The following ADCY8 variants were observed in gnomAD, a reference collection of about 807,000 sequenced individuals.
ADCY8 encodes adenylate cyclase 8.
A neutral mutation model predicts 119.7 loss-of-function variants in ADCY8; 51 were observed. That is an observed-to-expected ratio of 0.43 (90% confidence interval 0.34 to 0.54). The LOEUF is 0.54. Among genes scored for constraint, ADCY8 ranks in the 20% least tolerant of loss-of-function variants. The probability of loss-of-function intolerance (pLI) is 0.03; values close to 1 mark genes in which losing one functional copy is unlikely to be tolerated. For missense variants in ADCY8, 1,383 were observed against 1,598.8 expected (o/e 0.87, Z 2.30); for synonymous variants, 665 against 651.0 (o/e 1.02, Z -0.33).
chr8:130,826,706 C>T (rs1247218912), intron 12 of ADCY8, among the ~76,000 whole-genome samples: 1 of 144,828 alleles, frequency 6.9e-6, no homozygotes, highest in African/African-American at 2.5e-5. Context: ...CCTACACATG[C>T]TGTTAGCCTC....
intron 12 of ADCY8, among the ~76,000 whole-genome samples, chr8:130,826,493 A>C (rs960559944): frequency 6.6e-6 from 1 of 152,104 alleles, no homozygotes; most frequent in African/African-American, 2.4e-5. Flanking sequence ...ATTCCCTCCA[A>C]ATGCTTTTAG....
At chr8:130,992,874 T>C (rs919646996) in intron 1 of ADCY8, among the ~76,000 whole-genome samples, 1 of 152,186 alleles carries the variant, frequency 6.6e-6, no homozygotes, top group Non-Finnish European at 1.5e-5. Context: ...TTATAAATTT[T>C]ATAAAGATAC....
At chr8:130,840,198 G>A (rs185790330) in intron 11 of ADCY8, among the ~76,000 whole-genome samples, 3 of 138,686 alleles carry the variant, frequency 2.2e-5, no homozygotes. Flanking sequence ...GGTGATTCAG[G>A]AAGGATGTTT....
chr8:131,036,725 A>G (rs1487251927), intron 1 of ADCY8, among the ~76,000 whole-genome samples: 1 of 152,202 alleles, frequency 6.6e-6, no homozygotes, highest in Non-Finnish European at 1.5e-5. Context: ...TCTTATAAAG[A>G]CTTGGGAAAA....
At chr8:130,856,246 A>G (rs1817728370) in intron 9 of ADCY8, among the ~76,000 whole-genome samples, 1 of 151,872 alleles carries the variant, frequency 6.6e-6, no homozygotes, top group African/African-American at 2.4e-5. Context: ...TCATCACCCC[A>G]TATGATAGCT....
chr8:130,783,314 G>A (rs1358248071), intron 17 of ADCY8, among the ~76,000 whole-genome samples: 2 of 152,150 alleles, frequency 1.3e-5, no homozygotes, highest in Non-Finnish European at 2.9e-5. Context: ...GACCTTGAGA[G>A]CAATACATTG....
intron 14 of ADCY8, among the ~76,000 whole-genome samples, chr8:130,812,272 T>G (rs1400872763): frequency 6.8e-6 from 1 of 146,512 alleles, no homozygotes; most frequent in African/African-American, 2.6e-5. Context: ...CCCATGGAGC[T>G]TGACCATTAG....
At chr8:130,803,063 C>T (rs1482219693) in intron 14 of ADCY8, among the ~76,000 whole-genome samples, 1 of 152,226 alleles carries the variant, frequency 6.6e-6, no homozygotes, top group African/African-American at 2.4e-5. Flanking sequence ...ACTGGGACCA[C>T]CGCTGAGTAA....
chr8:130,915,262 G>GT (rs1278029831), intron 5 of ADCY8, among the ~76,000 whole-genome samples: 1 of 152,098 alleles, frequency 6.6e-6, no homozygotes, highest in African/African-American at 2.4e-5. Flanking sequence ...TAATTATAAG[G>GT]TAAAAAATGA....
chr8:130,801,007 T>C (rs1405823447), intron 14 of ADCY8, among the ~76,000 whole-genome samples: 1 of 152,174 alleles, frequency 6.6e-6, no homozygotes, highest in Non-Finnish European at 1.5e-5. Context: ...CTCCCAAATT[T>C]CCCACCTCCT....
At chr8:131,020,125 G>A (rs562372193) in intron 1 of ADCY8, among the ~76,000 whole-genome samples, 3 of 152,088 alleles carry the variant, frequency 2.0e-5, no homozygotes, top group Non-Finnish European at 4.4e-5. Flanking sequence ...CTACCTGAGG[G>A]AGAGCAGTCA....
intron 8 of ADCY8, among the ~76,000 whole-genome samples, chr8:130,880,267 T>A (rs1818720556): frequency 6.6e-6 from 1 of 152,164 alleles, no homozygotes; most frequent in Non-Finnish European, 1.5e-5. Context: ...AAGACCAGAA[T>A]GACAGATGCC....
intron 12 of ADCY8, among the ~76,000 whole-genome samples, chr8:130,827,928 G>A (rs930990313): frequency 3.9e-5 from 6 of 152,154 alleles, no homozygotes; most frequent in African/African-American, 1.4e-4. Flanking sequence ...ACTCAGATAC[G>A]ATCATTACTG....
At chr8:130,831,956 C>A (rs1816847446) in intron 12 of ADCY8, among the ~76,000 whole-genome samples, 1 of 152,134 alleles carries the variant, frequency 6.6e-6, no homozygotes, top group South Asian at 2.1e-4. Flanking sequence ...CACTTGTTTC[C>A]TTTTATATTT....
intron 8 of ADCY8, among the ~76,000 whole-genome samples, chr8:130,873,283 A>G (rs1203692831): frequency 6.6e-6 from 1 of 151,910 alleles, no homozygotes; most frequent in Non-Finnish European, 1.5e-5. Flanking sequence ...AACTAAAACA[A>G]TTATCTAGTT....
intron 1 of ADCY8, among the ~76,000 whole-genome samples, chr8:131,038,449 G>A (rs1322328490): frequency 6.6e-6 from 1 of 152,104 alleles, no homozygotes. Context: ...ATTTTGCAAA[G>A]ACAGTGCCAT....
chr8:131,026,049 G>A (rs1045654555), intron 1 of ADCY8, among the ~76,000 whole-genome samples: 27 of 152,208 alleles, frequency 1.8e-4, no homozygotes, highest in African/African-American at 6.3e-4. Flanking sequence ...TTCGCCATAT[G>A]AGGCTAAATG....
At chr8:130,884,842 G>A in intron 7 of ADCY8, 81 bp from the exon 8 acceptor site, 2 of 1,319,102 alleles carry the variant, frequency 1.5e-6, no homozygotes, top group Non-Finnish European at 2.2e-6. Context: ...TTTAAATCAT[G>A]TTGCATTGCA....
chr8:130,859,897 T>C (rs923420875), intron 9 of ADCY8, among the ~76,000 whole-genome samples: 1 of 152,164 alleles, frequency 6.6e-6, no homozygotes, highest in Non-Finnish European at 1.5e-5. Context: ...TGGAATAATA[T>C]ATATAAAGCC....
Sources: allele counts gnomAD v4.1 joint callset (sites outside exome capture counted in the v4.1 genomes callset), GRCh38; gene constraint gnomAD v4.1.1; transcripts MANE v1.5; gene names NCBI Gene and HGNC (gene_info 2026-07-23, HGNC 2026-07-21).